NECTIN3: variants seen among roughly 807,000 people sequenced by gnomAD.
The protein encoded by NECTIN3 is nectin cell adhesion molecule 3.
In NECTIN3, 8 loss-of-function variants were observed where a neutral mutation model predicts 49.4. The observed-to-expected ratio is 0.16, with a 90% CI of 0.10 to 0.29. The LOEUF (loss-of-function observed/expected upper bound fraction) is 0.29. NECTIN3 is among the 10% of genes least tolerant of loss of function. The pLI, the probability that NECTIN3 is intolerant of heterozygous loss-of-function variation, is 1.00. For missense variants in NECTIN3, 581 were observed against 654.6 expected (o/e 0.89, Z 1.23); for synonymous variants, 277 against 241.1 (o/e 1.15, Z -1.38).
At chr3:111,178,217 CT>C (rs2035565567) in intron 7 of NECTIN3, among the ~76,000 whole-genome samples, 1 of 152,156 alleles carries the variant, frequency 6.6e-6, no homozygotes, top group African/African-American at 2.4e-5. Flanking sequence ...TCAGTGCTAC[CT>C]TGTGGGATAA....
intron 1 of NECTIN3, among the ~76,000 whole-genome samples, chr3:111,081,631 G>A (rs1275444597): frequency 1.3e-5 from 2 of 152,088 alleles, no homozygotes; most frequent in East Asian, 3.9e-4. Context: ...AAGTATTGTC[G>A]GATTATAGAA....
At chr3:111,118,195 A>G (rs1272916355) in intron 2 of NECTIN3, among the ~76,000 whole-genome samples, 4 of 143,048 alleles carry the variant, frequency 2.8e-5, no homozygotes, top group African/African-American at 1.0e-4. Context: ...AGTCATAATC[A>G]TAACTTATTT....
chr3:111,128,880 G>C (rs1012351354), intron 5 of NECTIN3, among the ~76,000 whole-genome samples: 6 of 152,006 alleles, frequency 3.9e-5, no homozygotes, highest in African/African-American at 9.7e-5. Flanking sequence ...GAGCAGCTAG[G>C]GTAGTTCTTT....
At chr3:111,142,842 C>A (rs762327076) in intron 5 of NECTIN3, among the ~76,000 whole-genome samples, 56 of 151,626 alleles carry the variant, frequency 3.7e-4, no homozygotes, top group Middle Eastern at 3.4e-3. Context: ...AAAATAAGAA[C>A]AAAAATTTAA....
chr3:111,164,239 A>G (rs1309912314), intron 7 of NECTIN3, among the ~76,000 whole-genome samples: 1 of 152,170 alleles, frequency 6.6e-6, no homozygotes, highest in Admixed American at 6.5e-5. Flanking sequence ...ACCAAGATAT[A>G]TCATTTATAT....
intron 7 of NECTIN3, among the ~76,000 whole-genome samples, chr3:111,176,544 A>G (rs972096369): frequency 6.6e-6 from 1 of 152,212 alleles, no homozygotes; most frequent in African/African-American, 2.4e-5. Context: ...TATTTAAAAA[A>G]TTGGTGTTCC....
intron 6 of NECTIN3, among the ~76,000 whole-genome samples, chr3:111,145,894 A>G (rs1484565795): frequency 6.6e-6 from 1 of 152,152 alleles, no homozygotes; most frequent in Admixed American, 6.5e-5. Context: ...TTATAGCACT[A>G]GTCTTTGCAT....
rs1477980097 is a variant in NECTIN3, at chr3:111,178,427, AAG to A, written c.1222-13919_1222-13918del. Among the ~76,000 whole-genome samples, 5 of 152,216 alleles carry A rather than the reference AAG, an allele frequency of 3.3e-5. No individual in the cohort carries two copies. In the East Asian group the frequency reaches 7.7e-4, roughly 23 times the overall value. The stretch of plus-strand genomic sequence containing the variant: ...CTCTGAGTATAAACAGACACTCAAA[AAG>A]AGAGGGGAAATACCCTCCTCATAAA... On this transcript the variant is annotated intron_variant, in intron 7 of 8. Coordinates refer to the NECTIN3 transcript ENST00000493615.
chr3:111,122,683 A>T (rs2034006017), intron 4 of NECTIN3, among the ~76,000 whole-genome samples: 1 of 152,140 alleles, frequency 6.6e-6, no homozygotes, highest in Non-Finnish European at 1.5e-5. Flanking sequence ...ACTAAGAGCT[A>T]AGTAGTAGTA....
chr3:111,166,616 A>G (rs2035324197), intron 7 of NECTIN3, among the ~76,000 whole-genome samples: 1 of 152,176 alleles, frequency 6.6e-6, no homozygotes. Flanking sequence ...CTAATTTGAG[A>G]TCTGGGATCA....
chr3:111,141,831 C>T (rs1406409786), downstream of NECTIN3, among the ~76,000 whole-genome samples: 1 of 151,762 alleles, frequency 6.6e-6, no homozygotes, highest in East Asian at 1.9e-4. Context: ...CTCCTTAGGT[C>T]GATGGTAATG....
intron 1 of NECTIN3, chr3:111,193,150 A>T (rs1250360831): frequency 6.8e-7 from 1 of 1,474,856 alleles, no homozygotes; most frequent in East Asian, 2.5e-5. Context: ...CCAGTGCTAG[A>T]AAAATGCAAA....
chr3:111,122,594 TCATAGTCCAAACGAAATTTTAG>T (rs1302253310), intron 4 of NECTIN3, among the ~76,000 whole-genome samples: 1 of 152,158 alleles, frequency 6.6e-6, no homozygotes, highest in East Asian at 1.9e-4. Context: ...TTCCTACCTT[TCATAGTCCAAACGAAATTTTAG>T]CTATTTTAAA....
In NECTIN3 at chr3:111,137,440, T is replaced by G. The variant is rs548124482; in HGVS notation, c.*3225T>G. 61 of 950,128 alleles carry G rather than the reference T, an allele frequency of 6.4e-5. 1 individual carries two copies. In the South Asian group the frequency reaches 2.6e-3, roughly 40 times the overall value. 58.9% of individuals were successfully genotyped at this position (950,128 alleles called of 1,614,324 possible). A position where few individuals can be genotyped will look rare whatever the true frequency, so the allele number is the denominator to read the frequency against. The stretch of plus-strand genomic sequence containing the variant: ...GTTTTGGTTTTGTTGTGTTTGGTGT[T>G]TTTTGTTTTGTTTTGTTTTGTTTTG... On this transcript the variant is annotated 3_prime_UTR_variant, in exon 6 of 6. Coordinates refer to ENST00000485303, the MANE Select transcript of NECTIN3 (RefSeq NM_015480.3).
In NECTIN3 at chr3:111,117,498, C is replaced by T. The variant is rs185148683; in HGVS notation, c.503-1158C>T. ...ATGTTTGCTGTAAAATTGTTCATTG[C>T]GTGTGTTGCATGTACTTTTTCATTT... On this transcript the variant is annotated intron_variant, in intron 2 of 5. Coordinates refer to ENST00000485303, the MANE Select transcript of NECTIN3 (RefSeq NM_015480.3). Among the ~76,000 whole-genome samples, 4 of 151,966 alleles carry T rather than the reference C, an allele frequency of 2.6e-5. 1 individual carries two copies. The highest frequency in any genetic ancestry group is 6.6e-5 in the Admixed American group (1 of 15,264).
intron 7 of NECTIN3, among the ~76,000 whole-genome samples, chr3:111,183,952 CCCTT>C (rs1417080176): frequency 6.6e-6 from 1 of 151,970 alleles, no homozygotes; most frequent in East Asian, 1.9e-4. Flanking sequence ...TTATAGTTTT[CCCTT>C]CCTTCTGTGA....
intron 1 of NECTIN3, chr3:111,073,027 A>G (rs916898342): frequency 1.2e-5 from 1 of 83,510 alleles, no homozygotes; most frequent in South Asian, 3.6e-4. Flanking sequence ...GGACTGTGCT[A>G]AAAAAAAAAA....
At chr3:111,118,284 T>TC (rs2033792331) in intron 2 of NECTIN3, among the ~76,000 whole-genome samples, 1 of 49,530 alleles carries the variant, frequency 2.0e-5, no homozygotes, top group Non-Finnish European at 5.3e-5. Flanking sequence ...ATATATATAT[T>TC]ATACATATAT....
At chr3:111,115,690 C>T (rs1315296324) in intron 2 of NECTIN3, among the ~76,000 whole-genome samples, 2 of 152,102 alleles carry the variant, frequency 1.3e-5, no homozygotes, top group Non-Finnish European at 2.9e-5. Flanking sequence ...GAAGATGGGT[C>T]TGGTGTTTTT....
Sources: gnomAD v4.1 joint callset for allele counts (sites outside exome capture counted in the v4.1 genomes callset) on GRCh38, gnomAD v4.1.1 for gene constraint, MANE v1.5 for transcripts, NCBI Gene and HGNC (gene_info 2026-07-23, HGNC 2026-07-21) for gene names.